CSMD1: variants seen among roughly 807,000 people sequenced by gnomAD.
CSMD1 encodes the protein CUB and sushi domain-containing protein 1.
In CSMD1, 213 loss-of-function variants were observed where a neutral mutation model predicts 417.5. The ratio of observed to expected loss-of-function variants is 0.51; its 90% CI spans 0.46 to 0.57. The LOEUF (loss-of-function observed/expected upper bound fraction) is 0.57, where lower values mean the gene tolerates loss of function less well. Ranked by LOEUF, CSMD1 falls within the 20% of genes least tolerant of loss-of-function variation. CSMD1 has a pLI of 0.00. For synonymous variants in CSMD1, 2,862 were observed against 1,736.8 expected (o/e 1.65, Z -16.11); for missense variants, 6,923 against 4,529.7 (o/e 1.53, Z -15.17).
At chr8:3,639,258 A>G (rs981514350) in intron 7 of CSMD1, among the ~76,000 whole-genome samples, 1 of 152,200 alleles carries the variant, frequency 6.6e-6, no homozygotes, top group African/African-American at 2.4e-5. Flanking sequence ...ATTTCTATGA[A>G]ATAGGTTGCT....
intron 2 of CSMD1, among the ~76,000 whole-genome samples, chr8:4,521,270 G>T (rs898732078): frequency 6.6e-6 from 1 of 152,124 alleles, no homozygotes; most frequent in Non-Finnish European, 1.5e-5. Flanking sequence ...TCAAGACATA[G>T]CTGTGAAGGA....
chr8:3,243,635 C>T (rs370079698), intron 26 of CSMD1, among the ~76,000 whole-genome samples: 92 of 152,070 alleles, frequency 6.0e-4, no homozygotes, highest in African/African-American at 2.1e-3. Flanking sequence ...TCAGTTAAGG[C>T]AGGAACTGGC....
At chr8:4,273,528 T>TAGCAAATAAGA (rs1804732004) in intron 3 of CSMD1, among the ~76,000 whole-genome samples, 1 of 152,178 alleles carries the variant, frequency 6.6e-6, no homozygotes, top group Admixed American at 6.6e-5. Context: ...GAGGACATTC[T>TAGCAAATAAGA]ATTAACTTCA....
intron 12 of CSMD1, among the ~76,000 whole-genome samples, chr8:3,451,323 G>T (rs1239702426): frequency 2.0e-5 from 3 of 152,124 alleles, no homozygotes; most frequent in Non-Finnish European, 2.9e-5. Context: ...AGTTTAATTA[G>T]ATCCCATGTG....
chr8:4,093,985 G>C (rs914784990), intron 3 of CSMD1, among the ~76,000 whole-genome samples: 1 of 151,660 alleles, frequency 6.6e-6, no homozygotes, highest in Non-Finnish European at 1.5e-5. Flanking sequence ...TAGATAGATA[G>C]ATAGATAGAT....
intron 10 of CSMD1, among the ~76,000 whole-genome samples, chr8:3,521,837 ATAT>A (rs1157599353): frequency 2.6e-5 from 4 of 152,240 alleles, no homozygotes; most frequent in African/African-American, 9.6e-5. Context: ...TAAGAAATGT[ATAT>A]TATCATACTA....
chr8:3,172,851 C>T (rs1387296054), intron 37 of CSMD1, among the ~76,000 whole-genome samples: 1 of 152,140 alleles, frequency 6.6e-6, no homozygotes, highest in South Asian at 2.1e-4. Flanking sequence ...TCTAAAACAA[C>T]AGTGGAGTGA....
At chr8:3,285,954 G>C (rs1228922402) in intron 25 of CSMD1, among the ~76,000 whole-genome samples, 2 of 152,172 alleles carry the variant, frequency 1.3e-5, no homozygotes, top group African/African-American at 4.8e-5. Flanking sequence ...TTTAACATTA[G>C]ATAAATTTCC....
intron 33 of CSMD1, among the ~76,000 whole-genome samples, chr8:3,191,150 G>A (rs1037335980): frequency 1.3e-5 from 2 of 152,140 alleles, no homozygotes; most frequent in African/African-American, 4.8e-5. Context: ...CACCTAGGAT[G>A]AGCTCAAATC....
intron 3 of CSMD1, among the ~76,000 whole-genome samples, chr8:4,404,294 A>G (rs1804860552): frequency 6.6e-6 from 1 of 152,070 alleles, no homozygotes; most frequent in Non-Finnish European, 1.5e-5. Context: ...TATGCTGTAT[A>G]TTTCAATCAT....
chr8:3,912,380 T>A (rs2948655), intron 5 of CSMD1, among the ~76,000 whole-genome samples: 3 of 152,112 alleles, frequency 2.0e-5, no homozygotes, highest in African/African-American at 4.8e-5. Flanking sequence ...TTCAAGGCAA[T>A]CTTCTAGCCA....
chr8:3,659,543 T>C lies in CSMD1; in HGVS notation c.1010-42746A>G, dbSNP rs1041297776. Among the ~76,000 whole-genome samples, 13 of 152,278 alleles carry C rather than the reference T, an allele frequency of 8.5e-5. No homozygotes were observed. The East Asian group carries it at 2.5e-3, about 29-fold the overall frequency. ...GCCAGCTGTCCTGGGATGATCCTAGTTCTTTTTTTCGGGGGGTTATCATAT... is the reference window on the plus strand; with the variant it reads ...GCCAGCTGTCCTGGGATGATCCTAGCTCTTTTTTTCGGGGGGTTATCATAT... On this transcript the variant is annotated intron_variant, in intron 7 of 69. Coordinates refer to ENST00000635120, the MANE Select transcript of CSMD1 (RefSeq NM_033225.6).
intron 12 of CSMD1, among the ~76,000 whole-genome samples, chr8:3,455,659 T>C (rs1816073666): frequency 6.6e-6 from 1 of 152,214 alleles, no homozygotes; most frequent in South Asian, 2.1e-4. Flanking sequence ...TGCTGCCTGA[T>C]CCTTCCTCTG....
chr8:4,374,366 A>T (rs1435259493), intron 3 of CSMD1, among the ~76,000 whole-genome samples: 1 of 152,180 alleles, frequency 6.6e-6, no homozygotes, highest in Non-Finnish European at 1.5e-5. Flanking sequence ...TATAGGTGTC[A>T]GGGGATATCA....
intron 4 of CSMD1, among the ~76,000 whole-genome samples, chr8:4,007,863 T>G (rs968587293): frequency 6.6e-6 from 1 of 152,140 alleles, no homozygotes; most frequent in African/African-American, 2.4e-5. Flanking sequence ...AAAAGTTTAT[T>G]TAGTTATAGA....
Position 3,217,711 on chromosome 8 carries a change from T to C in CSMD1, c.4672+1544A>G, listed in dbSNP as rs571573636. The stretch of plus-strand genomic sequence containing the variant: ...ATAGGATACTCTGATTGCTAAATTG[T>C]ATAATTTTTAAAATTGTACATTTTA... On this transcript the variant is annotated intron_variant, in intron 29 of 69. Transcript: ENST00000635120. Among the ~76,000 whole-genome samples the C allele has an allele frequency of 5.9e-5, 9 of 152,318 alleles. 1 individual carries two copies. The South Asian group carries it at 1.7e-3, about 28-fold the overall frequency.
At chr8:3,182,522 G>T (rs1189924636) in intron 36 of CSMD1, among the ~76,000 whole-genome samples, 3 of 151,660 alleles carry the variant, frequency 2.0e-5, no homozygotes, top group Admixed American at 1.3e-4. Flanking sequence ...GCCCCCAAGA[G>T]ATTTGATCAG....
chr8:3,027,703 G>C (rs1008036187), intron 51 of CSMD1, among the ~76,000 whole-genome samples: 5 of 152,166 alleles, frequency 3.3e-5, no homozygotes, highest in African/African-American at 1.2e-4. Flanking sequence ...TAAATGATGT[G>C]TGGGGGTTGT....
chr8:3,975,593 G>C (rs1013489176), intron 5 of CSMD1, among the ~76,000 whole-genome samples: 2 of 152,088 alleles, frequency 1.3e-5, no homozygotes, highest in African/African-American at 4.8e-5. Context: ...TGGGCACCTC[G>C]TGTGGATTAG....
Sources: gnomAD v4.1 joint callset for allele counts (sites outside exome capture counted in the v4.1 genomes callset) on GRCh38, gnomAD v4.1.1 for gene constraint, MANE v1.5 for transcripts, NCBI Gene and HGNC (gene_info 2026-07-23, HGNC 2026-07-21) for gene names.